The following TOP3A variants were observed in gnomAD, a reference collection of about 807,000 sequenced individuals.
TOP3A encodes DNA topoisomerase III alpha.
A neutral mutation model predicts 111.3 loss-of-function variants in TOP3A; 64 were observed. The observed-to-expected ratio is 0.57, with a 90% CI of 0.47 to 0.71. TOP3A has a LOEUF of 0.71. TOP3A is among the 30% of genes least tolerant of loss of function. The pLI is 0.00. For synonymous variants in TOP3A, 484 were observed against 485.1 expected, an observed-to-expected ratio of 1.00 and a Z score of 0.03; for missense variants, 1,104 against 1,285.0, an observed-to-expected ratio of 0.86 and a Z score of 2.15.
At chr17:18,282,958 C>T in intron 15 of TOP3A, 117 bp from the exon 16 acceptor site, 1 of 1,350,158 alleles carries the variant, frequency 7.4e-7, no homozygotes, top group Non-Finnish European at 1.0e-6. Context: ...CAGTGAGCCG[C>T]AGGCCTCCTG....
At chr17:18,285,074 A>C (rs949001081) in intron 15 of TOP3A, 68 bp downstream of exon 15, 1 of 1,562,960 alleles carries the variant, frequency 6.4e-7, no homozygotes, top group East Asian at 2.2e-5. Flanking sequence ...AGATCTCTTG[A>C]GGCCAGGAGT....
At chr17:18,277,290 C>T (rs1001303) in intron 18 of TOP3A, among the ~76,000 whole-genome samples, 3,936 of 151,910 alleles carry the variant, frequency 0.026, 172 homozygotes, top group African/African-American at 0.085. Context: ...GGCCTATGTA[C>T]TCATCCTGGT....
In TOP3A at chr17:18,301,880, C is replaced by G; in HGVS notation, c.915+5G>C. 6.2e-7 allele frequency: 1 copy of G among 1,613,130 alleles called. No homozygotes were observed. The highest frequency in any genetic ancestry group is 8.5e-7 in the Non-Finnish European group (1 of 1,179,292). On this transcript the variant is annotated splice_donor_5th_base_variant and intron_variant, in intron 8 of 18. Coordinates refer to ENST00000321105, the MANE Select transcript of TOP3A (RefSeq NM_004618.5). ...AATGTTTCCTAGATCATTAGGGGTT[C>G]TTACCTCCACACACAACTGATAGAG...
chr17:18,275,209 G>A (rs1474767215), intron 18 of TOP3A, among the ~76,000 whole-genome samples: 2 of 150,904 alleles, frequency 1.3e-5, no homozygotes, highest in Admixed American at 1.3e-4. Flanking sequence ...AGCTACTCGG[G>A]AGGATGCCTG....
intron 18 of TOP3A, 46 bp downstream of exon 18, chr17:18,277,629 A>C (rs1002665565): frequency 6.4e-7 from 1 of 1,563,566 alleles, no homozygotes; most frequent in Non-Finnish European, 8.7e-7. Context: ...TGAGGTAAAC[A>C]CCTGAAAACT....
intron 17 of TOP3A, 181 bp downstream of exon 17, chr17:18,280,355 T>C (rs979673428): frequency 3.4e-6 from 2 of 589,654 alleles, no homozygotes. Context: ...GCCAAAGCAG[T>C]GACAGCATGG....
intron 18 of TOP3A, among the ~76,000 whole-genome samples, chr17:18,276,370 A>G (rs1979373827): frequency 6.6e-6 from 1 of 152,204 alleles, no homozygotes; most frequent in African/African-American, 2.4e-5. Context: ...TGGGGAGACA[A>G]GAGGCCAGAC....
chr17:18,305,157 C>T lies in TOP3A; in HGVS notation c.454G>A (p.Glu152Lys), dbSNP rs760575069. The T allele has an allele frequency of 6.2e-7, 1 of 1,614,232 alleles. No individual in the cohort carries two copies. Among genetic ancestry groups the T allele is most frequent in the East Asian group, 2.2e-5 (1 of 44,888 alleles). ...ALVIWTDCDR[E>K]GENIGFEIIH... ...ATCTCAAACCCGATGTTTTCGCCTT[C>T]TCTATCACAGTCAGTCCAGATCACC... The change falls in exon 5 of 19, where the codon GAA (glutamate) becomes AAA (lysine). Residue 152 changes from glutamate to lysine, a missense_variant. Transcript: ENST00000321105.
chr17:18,302,720 T>C lies in TOP3A; in HGVS notation c.503A>G (p.Lys168Arg). 1.9e-6 allele frequency: 3 copies of C among 1,613,376 alleles called. No individual in the cohort carries two copies. Among genetic ancestry groups the C allele is most frequent in the Non-Finnish European group, 2.5e-6 (3 of 1,179,448 alleles). The stretch of plus-strand genomic sequence containing the variant: ...GGCTCGCAACACCTGCAGATTGGGC[T>C]TTACTGCAGAACACAAGGTGTTACC... The part of the protein sequence containing the change: ...FEIIHVCKAV[K>R]PNLQVLRARF... The change falls in exon 6 of 19, where the codon AAG becomes AGG. Residue 168 changes from lysine to arginine, a missense_variant. Lys to Arg is a conservative substitution (Grantham distance 26). Transcript: ENST00000321105.
chr17:18,295,998 C>T (rs1349586989), intron 9 of TOP3A, among the ~76,000 whole-genome samples: 1 of 147,252 alleles, frequency 6.8e-6, no homozygotes, highest in East Asian at 2.1e-4. Flanking sequence ...CGATCTCCTA[C>T]CTCGTGATCT....
intron 9 of TOP3A, among the ~76,000 whole-genome samples, chr17:18,295,359 G>A (rs1160927454): frequency 6.6e-6 from 1 of 152,084 alleles, no homozygotes; most frequent in Admixed American, 6.5e-5. Flanking sequence ...TGCTGGCCTG[G>A]CTGGTCTCGA....
At chr17:18,298,353 G>A (rs947298064) in intron 9 of TOP3A, among the ~76,000 whole-genome samples, 7 of 119,898 alleles carry the variant, frequency 5.8e-5, no homozygotes, top group East Asian at 2.1e-4. Context: ...CCCCCCGCCC[G>A]GCCAGCCGCC....
intron 5 of TOP3A, among the ~76,000 whole-genome samples, chr17:18,303,628 G>C (rs145786166): frequency 1.3e-5 from 2 of 152,184 alleles, no homozygotes; most frequent in African/African-American, 4.8e-5. Context: ...TCTAGCCTAC[G>C]TGCACATCCA....
At chr17:18,310,117 A>G (rs903533927) in intron 1 of TOP3A, among the ~76,000 whole-genome samples, 2 of 152,100 alleles carry the variant, frequency 1.3e-5, no homozygotes, top group African/African-American at 4.8e-5. Context: ...ATGATAGAAT[A>G]TTATTCAGCC....
At chr17:18,308,505 G>A (rs2142991321) in intron 2 of TOP3A, 81 bp from the exon 3 acceptor site, 3 of 957,016 alleles carry the variant, frequency 3.1e-6, no homozygotes, top group Non-Finnish European at 4.7e-6. Context: ...AGAGGGAGGA[G>A]CTTCTATTAA....
Position 18,301,948 on chromosome 17 carries a change from G to A in TOP3A, c.852C>T (p.Asn284=). Residue 284 remains asparagine (N), a synonymous_variant, in exon 8 of 19, where the codon AAC becomes AAT. Transcript: ENST00000321105. The part of the protein sequence containing the change: ...HDHKDGIVEF[N]WKRHRLFNHT... ...GGTTAAAGAGTCGATGCCTTTTCCA[G>A]TTGAATTCTACGATACCATCTTTGT... 1 of 1,614,200 alleles carries A rather than the reference G, an allele frequency of 6.2e-7. No homozygotes were observed. The highest frequency in any genetic ancestry group is 8.5e-7 in the Non-Finnish European group (1 of 1,180,034).
chr17:18,301,964 C>A lies in TOP3A; in HGVS notation c.836G>T (p.Gly279Val), dbSNP rs775029558. 1.3e-5 allele frequency: 21 copies of A among 1,613,990 alleles called. 1 individual carries two copies. The highest frequency in any genetic ancestry group is 1.6e-4 in the Middle Eastern group (1 of 6,080). The change falls in exon 8 of 19, where the codon GGT becomes GTT. Residue 279 changes from glycine to valine, a missense_variant. By Grantham distance (109) the Gly-to-Val change is moderately radical (BLOSUM62 -3). Transcript: ENST00000321105. ...RIKVTHDHKD[G>V]IVEFNWKRHR... ...CCTTTTCCAGTTGAATTCTACGATA[C>A]CATCTTTGTGGTCATGAGTTACTAT...
intron 5 of TOP3A, chr17:18,303,225 C>G (rs1328357261): frequency 6.5e-6 from 1 of 153,284 alleles, no homozygotes; most frequent in Admixed American, 6.5e-5. Context: ...CCATTCTCCA[C>G]TCTCTATTAA....
At position 18,277,727 on chromosome 17, in the gene TOP3A, C is replaced by T. The variant is rs140576339; in HGVS notation, c.2775G>A (p.Pro925=). The T allele has an allele frequency of 2.0e-5, 33 of 1,613,844 alleles. No individual in the cohort carries two copies. The highest frequency in any genetic ancestry group is 5.3e-5 in the African/African-American group (4 of 74,944). Residue 925 remains proline, a synonymous_variant, in exon 18 of 19, where the codon CCG becomes CCA. Coordinates refer to ENST00000321105, the MANE Select transcript of TOP3A (RefSeq NM_004618.5). ...GGAAAAAGCCACACTGCTGCTCTCT[C>T]GGCTTGGCACATGTGTGGAACTGGC... is the stretch of plus-strand genomic sequence containing the variant. ...KGRQFHTCAK[P]REQQCGFFQW... is the part of the protein sequence containing the mutation.
Sources: allele counts gnomAD v4.1 joint callset (sites outside exome capture counted in the v4.1 genomes callset), GRCh38; gene constraint gnomAD v4.1.1; transcripts MANE v1.5; gene names NCBI Gene and HGNC (gene_info 2026-07-23, HGNC 2026-07-21).